Variants in COL6A1 observed in about 807,000 individuals in gnomAD.
COL6A1 encodes the protein collagen type VI alpha 1 chain.
Under a neutral mutation model 145.6 loss-of-function variants are expected in COL6A1, and 80 were observed. The observed-to-expected ratio is 0.55, with a 90% CI of 0.46 to 0.66. COL6A1 has a LOEUF of 0.66. Ranked by LOEUF, COL6A1 falls within the 30% of genes least tolerant of loss-of-function variation. The pLI, the probability that COL6A1 is intolerant of heterozygous loss-of-function variation, is 0.00. For synonymous variants in COL6A1, 638 were observed against 622.8 expected (o/e 1.02, Z -0.36); for missense variants, 1,364 against 1,473.8 (o/e 0.93, Z 1.22).
intron 4 of COL6A1, 50 bp downstream of exon 4, chr21:45,986,735 G>A (rs1261906576): frequency 6.5e-7 from 1 of 1,534,486 alleles, no homozygotes; most frequent in Middle Eastern, 2.1e-4. Flanking sequence ...GGGAGTGGCG[G>A]CTGCAAGGCC....
rs1188009308 is a variant in COL6A1 at position 45,981,954 on chromosome 21, G to A, written c.97+7G>A. On this transcript the variant is annotated splice_region_variant and intron_variant, in intron 1 of 34. Coordinates refer to ENST00000361866, the MANE Select transcript of COL6A1 (RefSeq NM_001848.3). ...AGGGCCGTGGCCTTCCAGGGTGAGT[G>A]GTGGCTTGGGGTGCAGGCTCCAGAC... 5 of 1,595,822 alleles carry A rather than the reference G, an allele frequency of 3.1e-6. No individual in the cohort carries two copies. The highest frequency in any genetic ancestry group is 4.3e-6 in the Non-Finnish European group (5 of 1,170,126).
In COL6A1 at chr21:45,986,597, A is replaced by C; in HGVS notation, c.500A>C (p.Glu167Ala). Residue 167 changes from glutamate (E) to alanine (A), a missense_variant, in exon 4 of 35, where the codon GAA becomes GCA. Glu to Ala is a moderately radical substitution (Grantham distance 107). Around this residue, in one of 3 missense-constraint regions of COL6A1, gnomAD observed 414 missense variants for 437.6 expected, o/e 0.95. Coordinates refer to ENST00000361866, the MANE Select transcript of COL6A1 (RefSeq NM_001848.3). ...GGGCACCCCCTGGAGGGCTACAAGG[A>C]ACCCTGTGGGGGGCTGGAGGATGCT... is the stretch of plus-strand genomic sequence containing the variant. The part of the protein sequence containing the change: ...TDGHPLEGYK[E>A]PCGGLEDAVN... The C allele has an allele frequency of 1.3e-6, 2 of 1,561,838 alleles. No homozygotes were observed. Among genetic ancestry groups the C allele is most frequent in the Non-Finnish European group, 1.7e-6 (2 of 1,153,228 alleles).
intron 2 of COL6A1, 145 bp downstream of exon 2, chr21:45,982,908 C>G (rs534273107): frequency 8.5e-7 from 1 of 1,174,764 alleles, no homozygotes; most frequent in African/African-American, 1.6e-5. Context: ...TCCCGGCGCC[C>G]TCCAGAGTGA....
rs752639793 is a variant in COL6A1, at chr21:46,001,273, G to A, written c.1843G>A (p.Asp615Asn). ...TGCAGAATGCAAGTGCGGCCCCATC[G>A]ACCTCCTGTTCGTGCTGGACAGCTC... ...SCCECKCGPI[D>N]LLFVLDSSES... is the part of the protein sequence containing the mutation. The change falls in exon 30 of 35, where the codon GAC (aspartate) becomes AAC (asparagine). Residue 615 changes from aspartate (D) to asparagine (N), a missense_variant. This residue lies in a region of COL6A1 where 938 missense variants were observed against 1,003.8 expected (regional missense o/e 0.93). Coordinates refer to ENST00000361866, the MANE Select transcript of COL6A1 (RefSeq NM_001848.3). 4.3e-6 allele frequency: 7 copies of A among 1,610,270 alleles called. No homozygotes were observed. Among genetic ancestry groups the A allele is most frequent in the Middle Eastern group, 1.6e-4 (1 of 6,080 alleles).
Position 46,000,778 on chromosome 21 carries a change from G to T in COL6A1, c.1822+11G>T, listed in dbSNP as rs566601241. On this transcript the variant is annotated intron_variant, in intron 29 of 34. Coordinates refer to ENST00000361866, the MANE Select transcript of COL6A1 (RefSeq NM_001848.3). ...CCTCAGCTTGCTGTGGTGAGACCCA[G>T]GCTCTAGCTCCTGAGAGAATGGATC... 2.0e-5 allele frequency: 33 copies of T among 1,613,796 alleles called. No individual in the cohort carries two copies. Among genetic ancestry groups the T allele is most frequent in the Admixed American group, 1.7e-4 (10 of 60,006 alleles).
chr21:45,992,324 C>T (rs764834805), intron 17 of COL6A1, 39 bp from the exon 18 acceptor site: 9 of 1,613,646 alleles, frequency 5.6e-6, no homozygotes, highest in African/African-American at 2.7e-5. Context: ...GCAGTGTGTC[C>T]ACCAGACTAA....
Position 46,004,677 on chromosome 21 carries a change from T to G in COL6A1, c.*664T>G. 1 of 449,562 alleles carries G rather than the reference T, an allele frequency of 2.2e-6. No homozygotes were observed. Among genetic ancestry groups the G allele is most frequent in the Non-Finnish European group, 4.5e-6 (1 of 222,582 alleles). 27.8% of individuals were successfully genotyped at this position (449,562 alleles called of 1,614,324 possible). The stretch of plus-strand genomic sequence containing the variant: ...ACTCGGCCCCGTCTCCTGAGGGTCC[T>G]GCTGGTGACCGGCCTGGACCTTGGC... On this transcript the variant is annotated 3_prime_UTR_variant, in exon 35 of 35. Coordinates refer to ENST00000361866, the MANE Select transcript of COL6A1 (RefSeq NM_001848.3).
Position 45,999,800 on chromosome 21 carries a change from T to G in COL6A1, c.1776+108T>G, listed in dbSNP as rs1185042097. 818 of 682,198 alleles carry G rather than the reference T, an allele frequency of 1.2e-3. 3 individuals are homozygous for G. The highest frequency in any genetic ancestry group is 2.1e-3 in the East Asian group (46 of 22,368). 42.3% of individuals were successfully genotyped at this position (682,198 alleles called of 1,614,324 possible). A position where few individuals can be genotyped will look rare whatever the true frequency, so the allele number is the denominator to read the frequency against. On this transcript the variant is annotated intron_variant, in intron 27 of 34. Coordinates refer to ENST00000361866, the MANE Select transcript of COL6A1 (RefSeq NM_001848.3). ...CCTGTAGACGCTGCTCACGGGGGGG[T>G]GGGTTGTGGACAAAGAGCTGGTGCC...
Position 45,986,614 on chromosome 21 carries a change from G to T in COL6A1, c.517G>T (p.Glu173Ter). 6.4e-7 allele frequency: 1 copy of T among 1,557,152 alleles called. No homozygotes were observed. The change falls in exon 4 of 35, where the codon GAG becomes TAG. Residue 173 changes from glutamate (E) to a stop codon, truncating the protein, a stop_gained. Coordinates refer to ENST00000361866, the MANE Select transcript of COL6A1 (RefSeq NM_001848.3). LOFTEE classifies it high-confidence loss of function. The stretch of plus-strand genomic sequence containing the variant: ...CTACAAGGAACCCTGTGGGGGGCTG[G>T]AGGATGCTGTGAACGAGGCCAAGCA... ...EGYKEPCGGL[E>*]DAVNEAKHLG... is the part of the protein sequence containing the mutation.
chr21:45,994,056 C>A lies in COL6A1; in HGVS notation c.1336-111C>A. The A allele has an allele frequency of 8.8e-7, 1 of 1,140,256 alleles. No homozygotes were observed. The highest frequency in any genetic ancestry group is 1.3e-6 in the Non-Finnish European group (1 of 773,670). The allele number at this position is 1,140,256 out of a possible 1,614,324, so 70.6% of individuals were successfully genotyped here. On this transcript the variant is annotated intron_variant, in intron 19 of 34. Transcript: ENST00000361866. This position sits in a 1 kb window ranked among gnomAD's most constrained non-coding sequence, Gnocchi z 6.8. ...AAGGGGCTGTGCGGGGAGGGAAGGC[C>A]GGAACAGCCCAGTGACCACCTGGAC...
rs1194034612 is a variant in COL6A1, at chr21:46,004,272, G to GGGGCTC, written c.*259_*260insGGGCTC. On this transcript the variant is annotated 3_prime_UTR_variant, in exon 35 of 35. Transcript: ENST00000361866. ...TAGTGTCACCTGCACAGGGCCCTCT[G>GGGGCTC]AGGCTCAGCCCTGAGCTGGCGTCAC... The GGGGCTC allele has an allele frequency of 3.5e-5, 20 of 576,934 alleles. No homozygotes were observed. Among genetic ancestry groups the GGGGCTC allele is most frequent in the Admixed American group, 6.4e-5 (2 of 31,258 alleles). 35.7% of individuals were successfully genotyped at this position (576,934 alleles called of 1,614,324 possible).
chr21:46,001,539 C>T (rs1046789161), intron 30 of COL6A1, among the ~76,000 whole-genome samples, 153 bp downstream of exon 30: 2 of 152,234 alleles, frequency 1.3e-5, no homozygotes, highest in South Asian at 2.1e-4. Context: ...CGCGCCAGCC[C>T]GTCCAGGCCT....
At position 45,994,091 on chromosome 21, in the gene COL6A1, T is replaced by A; in HGVS notation, c.1336-76T>A. 4 of 1,418,478 alleles carry A rather than the reference T, an allele frequency of 2.8e-6. No homozygotes were observed. Among genetic ancestry groups the A allele is most frequent in the East Asian group, 2.5e-5 (1 of 40,582 alleles). The allele number at this position is 1,418,478 out of a possible 1,614,324, so 87.9% of individuals were successfully genotyped here. On this transcript the variant is annotated intron_variant, in intron 19 of 34. Transcript: ENST00000361866. The surrounding 1 kb of genome is among the most constrained non-coding windows in gnomAD (Gnocchi z 6.8). ...CAGTGACCACCTGGACAGCATGCTG[T>A]GGCTCCCAGCGTGCCCGGGCAGCCA...
intron 28 of COL6A1, 31 bp from the exon 29 acceptor site, chr21:46,000,728 T>C: frequency 1.9e-6 from 3 of 1,613,902 alleles, no homozygotes; most frequent in Non-Finnish European, 2.5e-6. Flanking sequence ...CGGCCCTGAC[T>C]GGTCTAACTG....
At chr21:45,995,248 C>T (rs940031178) in intron 20 of COL6A1, among the ~76,000 whole-genome samples, 7 of 152,260 alleles carry the variant, frequency 4.6e-5, no homozygotes, top group Non-Finnish European at 7.3e-5. Context: ...GCAGAAAGGG[C>T]TCCCGACACC....
chr21:46,003,158 C>T lies in COL6A1; in HGVS notation c.2464+9C>T, dbSNP rs368651226. 2.3e-5 allele frequency: 37 copies of T among 1,613,902 alleles called. No homozygotes were observed. The highest frequency in any genetic ancestry group is 2.9e-5 in the Non-Finnish European group (34 of 1,179,976). On this transcript the variant is annotated intron_variant, in intron 34 of 34. Coordinates refer to ENST00000361866, the MANE Select transcript of COL6A1 (RefSeq NM_001848.3). ...AGATTACACCTGCCCCAGTGAGTAC[C>T]TCGGCGGCCGGGACACGTGGGGAGG...
chr21:45,983,710 A>C (rs941340840), intron 2 of COL6A1, among the ~76,000 whole-genome samples: 1 of 151,938 alleles, frequency 6.6e-6, no homozygotes, highest in African/African-American at 2.4e-5. Flanking sequence ...CGCGTGGCCC[A>C]GCGTCCCCCG....
Position 45,984,348 on chromosome 21 carries a change from C to T in COL6A1, c.307C>T (p.Leu103Phe), listed in dbSNP as rs1189584102. The T allele has an allele frequency of 1.2e-6, 2 of 1,612,586 alleles. No individual in the cohort carries two copies. The highest frequency in any genetic ancestry group is 8.5e-7 in the Non-Finnish European group (1 of 1,179,874). The change falls in exon 3 of 35, where the codon CTC becomes TTC. Residue 103 changes from leucine to phenylalanine, a missense_variant. Physicochemically the swap from Leu to Phe is conservative, Grantham distance 22. Transcript: ENST00000361866. Reference protein sequence around the residue: ...YSDEVEIIQGLTRMPGGRDAL... With the variant: ...YSDEVEIIQGFTRMPGGRDAL... ...TGACGAGGTGGAGATCATCCAAGGC[C>T]TCACGCGCATGCCTGGCGGCCGCGA...
rs2077854178 is a variant in COL6A1, at chr21:46,002,671, G to A, written c.2395G>A (p.Asp799Asn). The A allele has an allele frequency of 2.5e-6, 4 of 1,613,844 alleles. No homozygotes were observed. The highest frequency in any genetic ancestry group is 2.2e-5 in the East Asian group (1 of 44,882). The change falls in exon 33 of 35, where the codon GAT (aspartate) becomes AAT (asparagine). Residue 799 changes from aspartate to asparagine, a missense_variant. Around this residue, in one of 3 missense-constraint regions of COL6A1, gnomAD observed 938 missense variants for 1,003.8 expected, o/e 0.93. Transcript: ENST00000361866. ...GGAGAACTATGCAGAGCTGCTGGAG[G>A]ATGCCTTCCTGAAGAATGTCACCGC... ...VKENYAELLE[D>N]AFLKNVTAQI...
Sources: gnomAD v4.1 joint callset for allele counts (sites outside exome capture counted in the v4.1 genomes callset) on GRCh38, gnomAD v4.1.1 for gene constraint, gnomAD v4.1.1 regional missense constraint, Gnocchi (gnomAD v3.1) non-coding constraint, MANE v1.5 for transcripts, NCBI Gene and HGNC (gene_info 2026-07-23, HGNC 2026-07-21) for gene names.